TMCC1: variants seen among roughly 807,000 people sequenced by gnomAD.
TMCC1 encodes transmembrane and coiled-coil domain family 1.
Under a neutral mutation model 52.4 loss-of-function variants are expected in TMCC1, and 15 were observed. The observed-to-expected ratio is 0.29, with a 90% confidence interval of 0.19 to 0.44. The LOEUF (loss-of-function observed/expected upper bound fraction) is 0.44, where lower values mean the gene tolerates loss of function less well. TMCC1 is among the 20% of genes least tolerant of loss of function. The probability of loss-of-function intolerance (pLI) is 1.00; values close to 1 mark genes in which losing one functional copy is unlikely to be tolerated. For missense variants in TMCC1, 503 were observed against 806.0 expected (o/e 0.62, Z 4.55); for synonymous variants, 279 against 301.9 (o/e 0.92, Z 0.79).
chr3:129,797,986 C>CTTTTTTTTT (rs11417298), intron 4 of TMCC1, among the ~76,000 whole-genome samples: 2 of 136,660 alleles, frequency 1.5e-5, no homozygotes, highest in African/African-American at 5.4e-5. Context: ...AGTTGTGTGC[C>CTTTTTTTTT]TTTTTTTTTT....
chr3:129,727,096 T>C (rs1343199463), intron 4 of TMCC1, among the ~76,000 whole-genome samples: 1 of 151,848 alleles, frequency 6.6e-6, no homozygotes, highest in Non-Finnish European at 1.5e-5. Flanking sequence ...TACCAATCTG[T>C]TTTTTTATGT....
At chr3:129,842,233 G>A (rs2059450299) in intron 2 of TMCC1, among the ~76,000 whole-genome samples, 1 of 152,074 alleles carries the variant, frequency 6.6e-6, no homozygotes, top group African/African-American at 2.4e-5. Context: ...TAGGAGGCTG[G>A]GGTGGGCAGA....
At chr3:129,875,492 A>C in intron 2 of TMCC1, among the ~76,000 whole-genome samples, 2 of 138,672 alleles carry the variant, frequency 1.4e-5, no homozygotes, top group Non-Finnish European at 3.1e-5. Context: ...CTCCATCTCA[A>C]AAAAAAAAAA....
At chr3:129,711,230 G>A (rs932654499) in intron 4 of TMCC1, among the ~76,000 whole-genome samples, 3 of 152,106 alleles carry the variant, frequency 2.0e-5, no homozygotes, top group African/African-American at 4.8e-5. Flanking sequence ...ATCACTTGCC[G>A]CTTAATAAGC....
At chr3:129,797,741 T>C (rs770218430) in intron 4 of TMCC1, among the ~76,000 whole-genome samples, 2 of 152,164 alleles carry the variant, frequency 1.3e-5, no homozygotes, top group Middle Eastern at 3.2e-3. Context: ...AGACCCTGTC[T>C]CAAAACAAAA....
intron 2 of TMCC1, among the ~76,000 whole-genome samples, chr3:129,840,226 T>C (rs936275850): frequency 3.4e-5 from 5 of 147,814 alleles, no homozygotes; most frequent in South Asian, 4.2e-4. Flanking sequence ...ACTTAGGACA[T>C]TGAGGTGGGA....
chr3:129,767,898 T>A (rs1238892488), intron 4 of TMCC1, among the ~76,000 whole-genome samples: 1 of 152,180 alleles, frequency 6.6e-6, no homozygotes, highest in East Asian at 1.9e-4. Flanking sequence ...AAAAAATAAA[T>A]ACATATTTCA....
At chr3:129,781,615 A>G (rs1576819687) in intron 4 of TMCC1, among the ~76,000 whole-genome samples, 2 of 152,160 alleles carry the variant, frequency 1.3e-5, no homozygotes, top group East Asian at 1.9e-4. Context: ...CAAGGGGGCC[A>G]GTGTGGCTAG....
chr3:129,715,015 G>A (rs4688773), intron 4 of TMCC1, among the ~76,000 whole-genome samples: 7,616 of 152,156 alleles, frequency 0.05, 704 homozygotes, highest in East Asian at 0.4. Context: ...ATCAGAGATA[G>A]GGTCCTAAGT....
At chr3:129,739,767 T>C (rs929638396) in intron 4 of TMCC1, among the ~76,000 whole-genome samples, 1 of 152,208 alleles carries the variant, frequency 6.6e-6, no homozygotes, top group Admixed American at 6.5e-5. Context: ...AAAATTTTTT[T>C]CCCCACTATT....
chr3:129,824,321 G>C (rs1300160935), intron 4 of TMCC1, among the ~76,000 whole-genome samples: 2 of 151,660 alleles, frequency 1.3e-5, no homozygotes, highest in Non-Finnish European at 2.9e-5. Flanking sequence ...GGGTGACAGA[G>C]CGTGACTCTG....
intron 4 of TMCC1, among the ~76,000 whole-genome samples, chr3:129,701,885 G>A (rs2047863589): frequency 6.6e-6 from 1 of 151,942 alleles, no homozygotes; most frequent in Non-Finnish European, 1.5e-5. Context: ...TAATTTCCAA[G>A]TACTACTTAC....
intron 4 of TMCC1, among the ~76,000 whole-genome samples, chr3:129,813,544 G>A (rs1199497352): frequency 6.6e-6 from 1 of 152,080 alleles, no homozygotes; most frequent in African/African-American, 2.4e-5. Flanking sequence ...ACTAACACAG[G>A]AACAGAAAAC....
In TMCC1 at chr3:129,788,220, T is replaced by C. The variant is rs74623877; in HGVS notation, c.576+39583A>G. On this transcript the variant is annotated intron_variant, in intron 4 of 6. Coordinates refer to ENST00000393238, the MANE Select transcript of TMCC1 (RefSeq NM_001017395.5). ...AAAAACTAGCACACTTCCAAGGACATGCTATCTTCTCTGGGTAGCATATTT... is the reference window on the plus strand; with the variant it reads ...AAAAACTAGCACACTTCCAAGGACACGCTATCTTCTCTGGGTAGCATATTT... 2.9e-3 allele frequency among the ~76,000 whole-genome samples: 447 copies of C among 152,336 alleles called. 1 individual carries two copies. Among genetic ancestry groups the C allele is most frequent in the Non-Finnish European group, 5.5e-3 (371 of 68,030 alleles).
chr3:129,723,451 C>G (rs1268319972), intron 4 of TMCC1, among the ~76,000 whole-genome samples: 3 of 139,078 alleles, frequency 2.2e-5, no homozygotes, highest in Non-Finnish European at 4.5e-5. Context: ...AAATCAAATT[C>G]CTATTTGTTA....
At chr3:129,826,740 G>GTAC (rs2107830837) in intron 4 of TMCC1, among the ~76,000 whole-genome samples, 1 of 151,528 alleles carries the variant, frequency 6.6e-6, no homozygotes, top group African/African-American at 2.4e-5. Context: ...AAAGTTTAAG[G>GTAC]TACTAGACTC....
chr3:129,759,709 A>ATTTTT (rs1560350161), intron 4 of TMCC1, among the ~76,000 whole-genome samples: 2 of 98,354 alleles, frequency 2.0e-5, no homozygotes, highest in African/African-American at 7.9e-5. Flanking sequence ...AGCCAGCCAA[A>ATTTTT]CTTTTTTTTT....
intron 4 of TMCC1, among the ~76,000 whole-genome samples, chr3:129,712,597 A>G (rs1276863457): frequency 6.6e-6 from 1 of 151,812 alleles, no homozygotes; most frequent in African/African-American, 2.4e-5. Flanking sequence ...ACAGGCACAT[A>G]CTACCATGCC....
At chr3:129,799,834 C>T (rs115443645) in intron 4 of TMCC1, among the ~76,000 whole-genome samples, 213 of 152,124 alleles carry the variant, frequency 1.4e-3, no homozygotes, top group African/African-American at 5.0e-3. Context: ...TATTAGATTC[C>T]CTTTGAAGAT....
Sources: gnomAD v4.1 joint callset for allele counts (sites outside exome capture counted in the v4.1 genomes callset) on GRCh38, gnomAD v4.1.1 for gene constraint, MANE v1.5 for transcripts, NCBI Gene and HGNC (gene_info 2026-07-23, HGNC 2026-07-21) for gene names.